Variants in ARHGAP22 observed in about 807,000 individuals in gnomAD.
ARHGAP22 encodes rho GTPase-activating protein 22.
Under a neutral mutation model 59.1 loss-of-function variants are expected in ARHGAP22, and 48 were observed. The observed-to-expected ratio is 0.81, with a 90% CI of 0.64 to 1.03. ARHGAP22 has a LOEUF of 1.03. Among genes scored for constraint, ARHGAP22 ranks in the 50% least tolerant of loss-of-function variants. ARHGAP22 has a pLI of 0.00. For synonymous variants in ARHGAP22, 445 were observed against 416.4 expected (o/e 1.07, Z -0.84); for missense variants, 1,015 against 958.7 (o/e 1.06, Z -0.78).
intron 4 of ARHGAP22, among the ~76,000 whole-genome samples, chr10:48,460,189 TG>T (rs1336091548): frequency 2.0e-5 from 3 of 152,184 alleles, no homozygotes; most frequent in African/African-American, 7.2e-5. Flanking sequence ...AAATGGCCCT[TG>T]GGAGCGTTCA....
chr10:48,502,056 G>T (rs1306687175), intron 3 of ARHGAP22, among the ~76,000 whole-genome samples: 1 of 152,138 alleles, frequency 6.6e-6, no homozygotes, highest in Non-Finnish European at 1.5e-5. Context: ...CTTGTGTTTG[G>T]TGCTGGAGAA....
chr10:48,629,117 C>G (rs1212048651), intron 1 of ARHGAP22, among the ~76,000 whole-genome samples: 3 of 152,230 alleles, frequency 2.0e-5, no homozygotes, highest in Non-Finnish European at 2.9e-5. Context: ...GCCCTTTCAG[C>G]CTTTGCCTCC....
chr10:48,542,598 T>C (rs2056065072), intron 3 of ARHGAP22, among the ~76,000 whole-genome samples: 1 of 152,156 alleles, frequency 6.6e-6, no homozygotes, highest in Admixed American at 6.5e-5. Flanking sequence ...CCAGTGGCTA[T>C]TGCTGTCTTC....
intron 2 of ARHGAP22, among the ~76,000 whole-genome samples, chr10:48,580,076 A>G (rs2059014801): frequency 6.6e-6 from 1 of 152,204 alleles, no homozygotes; most frequent in South Asian, 2.1e-4. Context: ...AGTGCCAGCC[A>G]GACCCAGAAA....
chr10:48,432,767 C>A, the ARHGAP22 span, among the ~76,000 whole-genome samples: 1 of 152,156 alleles, frequency 6.6e-6, no homozygotes, highest in Non-Finnish European at 1.5e-5. Context: ...TAATTTGAAT[C>A]TTAGTCCAGC....
chr10:48,589,978 C>A (rs944974551), intron 1 of ARHGAP22, among the ~76,000 whole-genome samples: 4 of 152,126 alleles, frequency 2.6e-5, no homozygotes, highest in Admixed American at 6.5e-5. Context: ...TCCCTCCACA[C>A]TGCACCCCAC....
intron 3 of ARHGAP22, among the ~76,000 whole-genome samples, chr10:48,502,493 T>C (rs1342578659): frequency 1.3e-5 from 2 of 152,190 alleles, no homozygotes; most frequent in African/African-American, 2.4e-5. Flanking sequence ...GGGCTCCTGC[T>C]TGATGAGCGG....
At chr10:48,582,765 T>G (rs1443039316) in intron 2 of ARHGAP22, 188 bp downstream of exon 2, 1 of 636,690 alleles carries the variant, frequency 1.6e-6, no homozygotes, top group African/African-American at 1.8e-5. Flanking sequence ...GTGGACATGT[T>G]CCAGTAAAAC....
At chr10:48,515,797 G>A (rs2053229837) in intron 3 of ARHGAP22, among the ~76,000 whole-genome samples, 1 of 152,174 alleles carries the variant, frequency 6.6e-6, no homozygotes, top group Non-Finnish European at 1.5e-5. Flanking sequence ...ACAAATATGT[G>A]GAAACTGAAC....
intron 1 of ARHGAP22, among the ~76,000 whole-genome samples, chr10:48,586,603 A>G (rs1035374815): frequency 6.6e-6 from 1 of 152,226 alleles, no homozygotes; most frequent in Non-Finnish European, 1.5e-5. Flanking sequence ...ATTTGGCTGT[A>G]TTACACCAAA....
At chr10:48,628,259 A>C (rs1247363374) in intron 1 of ARHGAP22, among the ~76,000 whole-genome samples, 5 of 152,218 alleles carry the variant, frequency 3.3e-5, no homozygotes, top group East Asian at 1.9e-4. Flanking sequence ...CAGATGTTAC[A>C]GTCCTTGTTT....
rs189185602 is a variant in ARHGAP22, at chr10:48,554,720, G to A, written c.322+743C>T. ...CTCACTTCTTGGATGAGACCCCTCT[G>A]AAGCCTGTTCTGCACTGTGTCCAGA... On this transcript the variant is annotated intron_variant, in intron 3 of 9. Coordinates refer to ENST00000249601, the MANE Select transcript of ARHGAP22 (RefSeq NM_021226.4). 5.3e-5 allele frequency among the ~76,000 whole-genome samples: 8 copies of A among 152,322 alleles called. No individual in the cohort carries two copies. In the East Asian group the frequency reaches 1.4e-3, roughly 26 times the overall value.
chr10:48,555,820 G>A (rs1305693725), intron 2 of ARHGAP22, among the ~76,000 whole-genome samples: 1 of 152,154 alleles, frequency 6.6e-6, no homozygotes, highest in Non-Finnish European at 1.5e-5. Context: ...GAGCAGGGAG[G>A]GAGGCTCCCA....
upstream of ARHGAP22, among the ~76,000 whole-genome samples, chr10:48,606,994 G>T (rs750250390): frequency 1.3e-5 from 2 of 152,186 alleles, no homozygotes; most frequent in African/African-American, 4.8e-5. Flanking sequence ...TACAAGCCCT[G>T]GTTGGGACAG....
At chr10:48,557,385 C>T (rs1273864067) in intron 2 of ARHGAP22, among the ~76,000 whole-genome samples, 2 of 152,146 alleles carry the variant, frequency 1.3e-5, no homozygotes, top group Non-Finnish European at 2.9e-5. Flanking sequence ...TCTACTATAG[C>T]TAAATGGAAA....
intron 3 of ARHGAP22, among the ~76,000 whole-genome samples, chr10:48,486,177 G>A (rs1368288387): frequency 6.6e-6 from 1 of 151,984 alleles, no homozygotes; most frequent in East Asian, 1.9e-4. Flanking sequence ...TCTACATTAA[G>A]TGATATTATA....
intron 1 of ARHGAP22, among the ~76,000 whole-genome samples, chr10:48,590,705 C>G (rs1459537722): frequency 1.3e-5 from 2 of 152,176 alleles, no homozygotes; most frequent in Admixed American, 6.5e-5. Context: ...GTGGGCTGCA[C>G]GCCTTCCCAG....
At chr10:48,437,964 A>G in the ARHGAP22 span, 1 of 152,250 alleles carries the variant, frequency 6.6e-6, no homozygotes, top group African/African-American at 2.4e-5. Flanking sequence ...ATCAGCAGGA[A>G]AGTGAAGCTC....
rs144319414 is a variant in ARHGAP22 at position 48,502,865 on chromosome 10, C to A, written c.323-23101G>T. Among the ~76,000 whole-genome samples the A allele has an allele frequency of 3.6e-3, 551 of 152,330 alleles. 3 individuals are homozygous for A. Among genetic ancestry groups the A allele is most frequent in the African/African-American group, 0.012 (514 of 41,566 alleles). On this transcript the variant is annotated intron_variant, in intron 3 of 9. Coordinates refer to ENST00000249601, the MANE Select transcript of ARHGAP22 (RefSeq NM_021226.4). ...AGTCTCTGCCTCTCAGAGAGTGGCC[C>A]GGTAGCGGAGACAGGCATTAACCAA...
Sources: gnomAD v4.1 joint callset for allele counts (sites outside exome capture counted in the v4.1 genomes callset) on GRCh38, gnomAD v4.1.1 for gene constraint, MANE v1.5 for transcripts, NCBI Gene and HGNC (gene_info 2026-07-23, HGNC 2026-07-21) for gene names.